Variants in SAMD4B observed in about 807,000 individuals in gnomAD.
SAMD4B encodes protein Smaug homolog 2.
SAMD4B carries 5 observed loss-of-function variants against 74.5 expected under a neutral mutation model. That is an observed-to-expected ratio of 0.07 (90% CI 0.04 to 0.14). SAMD4B has a LOEUF of 0.14. Among genes scored for constraint, SAMD4B ranks in the 10% least tolerant of loss-of-function variants. The pLI is 1.00. For missense variants in SAMD4B, 608 were observed against 921.8 expected (o/e 0.66, Z 4.41); for synonymous variants, 373 against 374.9 (o/e 1.00, Z 0.06).
Position 39,357,050 on chromosome 19 carries a change from A to G in SAMD4B, c.157A>G (p.Asn53Asp). The G allele has an allele frequency of 6.2e-7, 1 of 1,613,156 alleles. No homozygotes were observed. The highest frequency in any genetic ancestry group is 8.5e-7 in the Non-Finnish European group (1 of 1,179,234). The change falls in exon 3 of 14, where the codon AAT becomes GAT. Residue 53 changes from asparagine to aspartate, a missense_variant. Around this residue, in one of 9 missense-constraint regions of SAMD4B, gnomAD observed 74 missense variants for 182.0 expected, o/e 0.41. Transcript: ENST00000610417. ...LCLEHSLADC[N>D]DIHLLESEAN... ...CCTGGAGCACTCACTGGCGGACTGC[A>G]ATGACATCCACCTGCTGGAGTCGGA...
downstream of SAMD4B, chr19:39,389,946 G>A (rs1490480276): frequency 7.6e-6 from 8 of 1,055,194 alleles, no homozygotes; most frequent in Non-Finnish European, 1.0e-5. This position sits in a 1 kb window ranked among gnomAD's most constrained non-coding sequence, Gnocchi z 5.3. Context: ...CAATTGAGCA[G>A]CTACTACTAT....
At chr19:39,387,663 TA>T (rs1161971067), downstream of SAMD4B, among the ~76,000 whole-genome samples, 2 of 152,222 alleles carry the variant, frequency 1.3e-5, no homozygotes, top group African/African-American at 4.8e-5. Flanking sequence ...CTTTGAGCCA[TA>T]AGGGAAGAGT....
chr19:39,388,036 G>C (rs963603420), downstream of SAMD4B, among the ~76,000 whole-genome samples: 1 of 152,198 alleles, frequency 6.6e-6, no homozygotes, highest in Non-Finnish European at 1.5e-5. Context: ...AGCTACTCAG[G>C]AGGCTGAGGC....
intron 8 of SAMD4B, 107 bp downstream of exon 8, chr19:39,377,931 G>A: frequency 9.2e-7 from 1 of 1,085,708 alleles, no homozygotes; most frequent in Non-Finnish European, 1.3e-6. Flanking sequence ...GCTTTGTAAA[G>A]CCTACTGGAG....
chr19:39,385,983 C>T, downstream of SAMD4B: 2 of 1,613,158 alleles, frequency 1.2e-6, no homozygotes, highest in South Asian at 1.1e-5. Flanking sequence ...CCCTGAATGC[C>T]CTGGGACTCA....
intron 1 of SAMD4B, among the ~76,000 whole-genome samples, chr19:39,353,762 C>T (rs557395458): frequency 1.4e-4 from 21 of 152,092 alleles, no homozygotes; most frequent in South Asian, 1.0e-3. Flanking sequence ...CCACCACACC[C>T]GGCTAATTTT....
rs150726632 is a variant in SAMD4B, at chr19:39,382,972, T to G, written c.1973-236T>G. ...CCTCCAGGAGCTCCTTCAGTTTCAA[T>G]TCCACTCTCTGCAAGTCGGGCTTTT... On this transcript the variant is annotated intron_variant, in intron 12 of 13. Coordinates refer to ENST00000610417, the MANE Select transcript of SAMD4B (RefSeq NM_001384574.2). Among the ~76,000 whole-genome samples the G allele has an allele frequency of 3.1e-3, 475 of 152,208 alleles. 6 individuals are homozygous for G. The highest frequency in any genetic ancestry group is 0.017 in the East Asian group (89 of 5,172).
intron 12 of SAMD4B, among the ~76,000 whole-genome samples, chr19:39,381,976 T>A (rs755601086): frequency 1.2e-4 from 18 of 152,180 alleles, no homozygotes; most frequent in Non-Finnish European, 2.6e-4. Flanking sequence ...AGAGACTTGC[T>A]AACCGCAGGT....
chr19:39,388,818 G>T (rs766094482), downstream of SAMD4B: 2 of 1,614,050 alleles, frequency 1.2e-6, no homozygotes, highest in South Asian at 1.1e-5. Context: ...TGTCCTTGGG[G>T]GCTGGGTCTG....
intron 3 of SAMD4B, among the ~76,000 whole-genome samples, chr19:39,368,886 G>A (rs1252221995): frequency 1.3e-5 from 2 of 152,128 alleles, no homozygotes; most frequent in East Asian, 3.9e-4. Flanking sequence ...AGTAAGCTGG[G>A]GTGTCTAGAC....
chr19:39,386,453 C>T (rs1326493740), downstream of SAMD4B: 1 of 1,614,134 alleles, frequency 6.2e-7, no homozygotes. This position sits in a 1 kb window ranked among gnomAD's most constrained non-coding sequence, Gnocchi z 6.1. Flanking sequence ...CCTCCCAGGG[C>T]TCCCAGAGTC....
chr19:39,350,117 T>C (rs751805580), intron 1 of SAMD4B: 1 of 152,218 alleles, frequency 6.6e-6, no homozygotes, highest in Non-Finnish European at 1.5e-5. Context: ...TGGAAAGCTG[T>C]TGGCAAAGGG....
Position 39,378,084 on chromosome 19 carries a change from T to G in SAMD4B, c.1444+260T>G, listed in dbSNP as rs1180778041. Among the ~76,000 whole-genome samples the G allele has an allele frequency of 3.3e-5, 5 of 152,138 alleles. No individual in the cohort carries two copies. The South Asian group carries it at 6.2e-4, about 19-fold the overall frequency. ...AATGGGGCAGTGGGTCAGAAGAAAT[T>G]CCATGTAGTAAAGGGTGAGCAGTTG... On this transcript the variant is annotated intron_variant, in intron 8 of 13. Coordinates refer to ENST00000610417, the MANE Select transcript of SAMD4B (RefSeq NM_001384574.2). The surrounding 1 kb of genome is among the most constrained non-coding windows in gnomAD (Gnocchi z 4.4).
chr19:39,385,419 G>GAGCT lies in SAMD4B; in HGVS notation c.*1893_*1896dup. ...CCGTCTCACACACACAGGGAGGCAAGAGCTGCCCCCCACCCCACCTGACAG... is the reference window on the plus strand; with the variant it reads ...CCGTCTCACACACACAGGGAGGCAAGAGCTAGCTGCCCCCCACCCCACCTGACAG... On this transcript the variant is annotated 3_prime_UTR_variant, in exon 14 of 14. Coordinates refer to ENST00000610417, the MANE Select transcript of SAMD4B (RefSeq NM_001384574.2). 6 of 415,224 alleles carry GAGCT rather than the reference G, an allele frequency of 1.4e-5. No homozygotes were observed. 25.7% of individuals were successfully genotyped at this position (415,224 alleles called of 1,614,324 possible). A position where few individuals can be genotyped will look rare whatever the true frequency, so the allele number is the denominator to read the frequency against.
intron 9 of SAMD4B, among the ~76,000 whole-genome samples, chr19:39,379,096 G>T (rs2077789041): frequency 1.3e-5 from 2 of 149,770 alleles, no homozygotes; most frequent in South Asian, 2.1e-4. Context: ...TCACACTGTT[G>T]CCCTGGCTGG....
chr19:39,356,445 G>A (rs567702362), intron 2 of SAMD4B, among the ~76,000 whole-genome samples: 7 of 152,166 alleles, frequency 4.6e-5, no homozygotes, highest in Admixed American at 1.3e-4. Flanking sequence ...CAGGTGTGAG[G>A]GCCAACATCT....
rs2078105892 is a variant in SAMD4B at position 39,383,118 on chromosome 19, C to T, written c.1973-90C>T. 6.7e-6 allele frequency: 7 copies of T among 1,041,478 alleles called. No individual in the cohort carries two copies. Among genetic ancestry groups the T allele is most frequent in the Non-Finnish European group, 1.1e-5 (7 of 657,568 alleles). 64.5% of individuals were successfully genotyped at this position (1,041,478 alleles called of 1,614,324 possible). On this transcript the variant is annotated intron_variant, in intron 12 of 13. Transcript: ENST00000610417. This position sits in a 1 kb window ranked among gnomAD's most constrained non-coding sequence, Gnocchi z 4.1. ...TCTCCCCCTCCATCTCTCTTGCTCCCTTCCCATACCAGCATCCTTTGTCAT... is the reference window on the plus strand; with the variant it reads ...TCTCCCCCTCCATCTCTCTTGCTCCTTTCCCATACCAGCATCCTTTGTCAT...
Position 39,378,891 on chromosome 19 carries a change from G to A in SAMD4B, c.1530+302G>A, listed in dbSNP as rs1011521040. 2.6e-5 allele frequency among the ~76,000 whole-genome samples: 4 copies of A among 152,224 alleles called. No individual in the cohort carries two copies. Among genetic ancestry groups the A allele is most frequent in the African/African-American group, 9.6e-5 (4 of 41,458 alleles). The stretch of plus-strand genomic sequence containing the variant: ...TGCACTCCAGCCTGGACGACAGAGT[G>A]AGGGAAAGCCTGCCCCATCTTTCTC... On this transcript the variant is annotated intron_variant, in intron 9 of 13. Coordinates refer to ENST00000610417, the MANE Select transcript of SAMD4B (RefSeq NM_001384574.2). This position sits in a 1 kb window ranked among gnomAD's most constrained non-coding sequence, Gnocchi z 4.4.
At chr19:39,386,319 CCTT>C, downstream of SAMD4B, 1 of 1,614,198 alleles carries the variant, frequency 6.2e-7, no homozygotes, top group Non-Finnish European at 8.5e-7. The surrounding 1 kb of genome is among the most constrained non-coding windows in gnomAD (Gnocchi z 6.1). Context: ...GTCCCTGTCA[CCTT>C]CCTCCCGTTC....
Sources: gnomAD v4.1 joint callset for allele counts (sites outside exome capture counted in the v4.1 genomes callset) on GRCh38, gnomAD v4.1.1 for gene constraint, gnomAD v4.1.1 regional missense constraint, Gnocchi (gnomAD v3.1) non-coding constraint, MANE v1.5 for transcripts, NCBI Gene and HGNC (gene_info 2026-07-23, HGNC 2026-07-21) for gene names.